Variants in WDR45B observed in about 807,000 individuals in gnomAD.
WDR45B encodes the protein WD repeat domain phosphoinositide-interacting protein 3.
WDR45B carries 20 observed loss-of-function variants against 44.6 expected under a neutral mutation model. The observed-to-expected ratio is 0.45, with a 90% CI of 0.32 to 0.65. WDR45B has a LOEUF of 0.65. WDR45B is among the 30% of genes least tolerant of loss of function. The pLI is 0.05. For missense variants in WDR45B, 323 were observed against 430.2 expected (o/e 0.75, Z 2.20); for synonymous variants, 169 against 164.9 (o/e 1.02, Z -0.19).
intron 1 of WDR45B, among the ~76,000 whole-genome samples, chr17:82,646,313 C>T (rs1050749957): frequency 3.6e-4 from 55 of 151,126 alleles, no homozygotes; most frequent in Non-Finnish European, 1.3e-4. Flanking sequence ...CACGGAGAAA[C>T]CCAGTCTCTA....
At chr17:82,644,240 T>C (rs2045950935) in intron 1 of WDR45B, 1 of 596,470 alleles carries the variant, frequency 1.7e-6, no homozygotes, top group Non-Finnish European at 3.0e-6. Flanking sequence ...AAAGGAGTCT[T>C]GGAGTTGTTC....
chr17:82,615,529 CAGTA>C lies in WDR45B; in HGVS notation c.*386_*389del. On this transcript the variant is annotated 3_prime_UTR_variant, in exon 10 of 10. Coordinates refer to ENST00000392325, the MANE Select transcript of WDR45B (RefSeq NM_019613.4). ...CTTGTTCACTCCCCCGCTGCAGACT[CAGTA>C]AGAACGACGGAATCTGCTGCAAAAA... 3.3e-6 allele frequency: 1 copy of C among 302,294 alleles called. No individual in the cohort carries two copies. Among genetic ancestry groups the C allele is most frequent in the Non-Finnish European group, 6.5e-6 (1 of 154,672 alleles). 18.7% of individuals were successfully genotyped at this position (302,294 alleles called of 1,614,324 possible).
intron 2 of WDR45B, among the ~76,000 whole-genome samples, chr17:82,633,641 A>C (rs973852892): frequency 3.9e-5 from 6 of 152,180 alleles, no homozygotes; most frequent in Non-Finnish European, 8.8e-5. Context: ...AGTACTGGCC[A>C]AGATATGAAG....
At position 82,616,562 on chromosome 17, in the gene WDR45B, C is replaced by T. The variant is rs754914295; in HGVS notation, c.890G>A (p.Cys297Tyr). Residue 297 changes from cysteine to tyrosine, a missense_variant, in exon 9 of 10, where the codon TGC becomes TAC. Physicochemically the swap from Cys to Tyr is radical, Grantham distance 194. Transcript: ENST00000392325. The part of the protein sequence containing the change: ...SKFQVPSGSP[C>Y]ICAFGTEPNA... ...TGGCTCTGTTCCAAAGGCACAAATGCACGGAGAGCCTGAGGGAACCTGAAA... is the reference window on the plus strand; with the variant it reads ...TGGCTCTGTTCCAAAGGCACAAATGTACGGAGAGCCTGAGGGAACCTGAAA... 1.2e-5 allele frequency: 19 copies of T among 1,614,060 alleles called. No individual in the cohort carries two copies. Among genetic ancestry groups the T allele is most frequent in the Non-Finnish European group, 1.6e-5 (19 of 1,180,050 alleles).
chr17:82,629,906 C>G, intron 3 of WDR45B: 9 of 985,354 alleles, frequency 9.1e-6, no homozygotes, highest in Non-Finnish European at 1.1e-5. Context: ...GCCCCCAGAG[C>G]CCCATCCTGG....
At chr17:82,621,900 T>C in intron 5 of WDR45B, 101 bp from the exon 6 acceptor site, 1 of 1,229,082 alleles carries the variant, frequency 8.1e-7, no homozygotes, top group South Asian at 1.3e-5. Context: ...TAGATGTATA[T>C]CATTTATAAA....
chr17:82,636,814 T>C (rs1293040615), intron 2 of WDR45B, among the ~76,000 whole-genome samples: 1 of 151,970 alleles, frequency 6.6e-6, no homozygotes, highest in African/African-American at 2.4e-5. Flanking sequence ...CCTGTTCCCT[T>C]GGTTACCTGT....
At chr17:82,647,590 T>C (rs1374910709) in intron 1 of WDR45B, among the ~76,000 whole-genome samples, 2 of 151,342 alleles carry the variant, frequency 1.3e-5, no homozygotes, top group African/African-American at 4.9e-5. Context: ...AAGTAAGATT[T>C]CCCTCAAAGG....
chr17:82,646,833 G>A (rs79949914), intron 1 of WDR45B, among the ~76,000 whole-genome samples: 1 of 152,134 alleles, frequency 6.6e-6, no homozygotes, highest in African/African-American at 2.4e-5. Flanking sequence ...ACTTTCTTCC[G>A]GAGAAACCCC....
At chr17:82,627,028 G>A (rs955462920) in intron 4 of WDR45B, 176 bp downstream of exon 4, 10 of 674,736 alleles carry the variant, frequency 1.5e-5, no homozygotes, top group Admixed American at 2.3e-5. Flanking sequence ...AACACAATTC[G>A]CTGCCTTTCT....
At chr17:82,647,824 CA>C (rs2045999451) in intron 1 of WDR45B, among the ~76,000 whole-genome samples, 1 of 151,904 alleles carries the variant, frequency 6.6e-6, no homozygotes, top group Non-Finnish European at 1.5e-5. Flanking sequence ...CTGAAAGGAA[CA>C]GGGGGCAAAA....
Position 82,621,779 on chromosome 17 carries a change from T to C in WDR45B, c.448A>G (p.Asn150Asp). 2 of 1,614,122 alleles carry C rather than the reference T, an allele frequency of 1.2e-6. No individual in the cohort carries two copies. Among genetic ancestry groups the C allele is most frequent in the Non-Finnish European group, 1.7e-6 (2 of 1,180,040 alleles). ...NPKGLCVLCPNSNNSLLAFPG... is the reference protein window; with the variant it reads ...NPKGLCVLCPDSNNSLLAFPG... Reference sequence around the variant, plus strand: ...AAGGCCAGGAGGGAGTTGTTACTATTGGGACAAAGGACACAGAGGCCTGCG... The same window carrying C: ...AAGGCCAGGAGGGAGTTGTTACTATCGGGACAAAGGACACAGAGGCCTGCG... The change falls in exon 6 of 10, where the codon AAT (asparagine) becomes GAT (aspartate). Residue 150 changes from asparagine to aspartate, a missense_variant. Transcript: ENST00000392325.
intron 2 of WDR45B, among the ~76,000 whole-genome samples, chr17:82,635,471 G>A (rs994009966): frequency 6.8e-6 from 1 of 147,514 alleles, no homozygotes; most frequent in Non-Finnish European, 1.5e-5. Context: ...TGTCGCCCAG[G>A]ATGGAGTGCA....
rs1364265504 is a variant in WDR45B at position 82,627,082 on chromosome 17, C to G, written c.332+122G>C. Reference sequence around the variant, plus strand: ...CCTTATATCCTTATGGTCATAAAAACCAGGACCAACATTTTAATACATCAT... The same window carrying G: ...CCTTATATCCTTATGGTCATAAAAAGCAGGACCAACATTTTAATACATCAT... On this transcript the variant is annotated intron_variant, in intron 4 of 9. Coordinates refer to ENST00000392325, the MANE Select transcript of WDR45B (RefSeq NM_019613.4). The G allele has an allele frequency of 7.0e-6, 6 of 853,184 alleles. No individual in the cohort carries two copies. The African/African-American group carries it at 9.9e-5, about 14-fold the overall frequency. 52.9% of individuals were successfully genotyped at this position (853,184 alleles called of 1,614,324 possible). A position where few individuals can be genotyped will look rare whatever the true frequency, so the allele number is the denominator to read the frequency against.
intron 7 of WDR45B, 77 bp downstream of exon 7, chr17:82,618,966 C>A: frequency 7.1e-7 from 1 of 1,417,714 alleles, no homozygotes; most frequent in African/African-American, 1.4e-5. Flanking sequence ...CTCCTACCCC[C>A]TCTCCCAAAT....
At chr17:82,629,695 C>T (rs908648815) in intron 3 of WDR45B, 47 of 981,590 alleles carry the variant, frequency 4.8e-5, no homozygotes, top group South Asian at 3.3e-4. Flanking sequence ...GTCTCTCTTC[C>T]GCACATTCAC....
Position 82,621,626 on chromosome 17 carries a change from C to T in WDR45B, c.601G>A (p.Ala201Thr). The part of the protein sequence containing the change: ...IALNLQGTRI[A>T]TASEKGTLIR... ...ACACTTACTTTCTCGGATGCAGTTG[C>T]AATTCTTGTTCCCTGCAGGTTGAGT... The change falls in exon 6 of 10, where the codon GCA becomes ACA. Residue 201 changes from alanine (A) to threonine (T), a missense_variant. Physicochemically the swap from Ala to Thr is moderately conservative, Grantham distance 58. Coordinates refer to ENST00000392325, the MANE Select transcript of WDR45B (RefSeq NM_019613.4). The T allele has an allele frequency of 6.2e-7, 1 of 1,614,214 alleles. No homozygotes were observed. Among genetic ancestry groups the T allele is most frequent in the Non-Finnish European group, 8.5e-7 (1 of 1,180,046 alleles).
chr17:82,620,385 A>C (rs1166964083), intron 6 of WDR45B, among the ~76,000 whole-genome samples: 1 of 152,248 alleles, frequency 6.6e-6, no homozygotes, highest in African/African-American at 2.4e-5. Flanking sequence ...GTGAGCTGAG[A>C]TCACGCCACT....
intron 2 of WDR45B, among the ~76,000 whole-genome samples, chr17:82,634,265 G>T (rs565398046): frequency 2.2e-4 from 33 of 150,950 alleles, no homozygotes; most frequent in African/African-American, 8.0e-4. Flanking sequence ...CGAGGCAGGC[G>T]AATCATGAGG....
Sources: allele counts gnomAD v4.1 joint callset (sites outside exome capture counted in the v4.1 genomes callset), GRCh38; gene constraint gnomAD v4.1.1; transcripts MANE v1.5; gene names NCBI Gene and HGNC (gene_info 2026-07-23, HGNC 2026-07-21).